The following CEP128 variants were observed in gnomAD, a reference collection of about 807,000 sequenced individuals.
CEP128 encodes centrosomal protein 128kDa.
CEP128 carries 132 observed loss-of-function variants against 156.7 expected under a neutral mutation model. The ratio of observed to expected loss-of-function variants is 0.84; its 90% confidence interval spans 0.73 to 0.97. The LOEUF is 0.97. Among genes scored for constraint, CEP128 ranks in the 50% least tolerant of loss-of-function variants. CEP128 has a pLI of 0.00. For synonymous variants in CEP128, 469 were observed against 448.9 expected (o/e 1.04, Z -0.57); for missense variants, 1,252 against 1,281.9 (o/e 0.98, Z 0.36).
At chr14:80,740,496 AGATAGAT>A (rs1410403784) in intron 19 of CEP128, among the ~76,000 whole-genome samples, 1 of 45,328 alleles carries the variant, frequency 2.2e-5, no homozygotes, top group Non-Finnish European at 4.9e-5. Flanking sequence ...ATTTATATCT[AGATAGAT>A]AGATAGATAG....
intron 14 of CEP128, among the ~76,000 whole-genome samples, chr14:80,485,066 A>G (rs1887132660): frequency 6.6e-6 from 1 of 152,154 alleles, no homozygotes; most frequent in East Asian, 1.9e-4. Context: ...GCTGTCTCTC[A>G]GTGGCTCCAG....
chr14:80,785,090 T>C lies in CEP128; in HGVS notation c.2016A>G (p.Ala672=). The C allele has an allele frequency of 6.2e-7, 1 of 1,614,214 alleles. No individual in the cohort carries two copies. Among genetic ancestry groups the C allele is most frequent in the Non-Finnish European group, 8.5e-7 (1 of 1,179,994 alleles). ...TAGCTGTTTCTTCATCCCTGGATTT[T>C]GCCTGTGCAGTGAGGTCAGAAAGGT... ...LKDLSDLTAQ[A]KSRDEETATI... The change falls in exon 15 of 25, where the codon GCA becomes GCG. Residue 672 remains alanine (A), a synonymous_variant. Transcript: ENST00000555265.
At chr14:80,566,700 A>T (rs1890923580) in intron 20 of CEP128, among the ~76,000 whole-genome samples, 1 of 152,208 alleles carries the variant, frequency 6.6e-6, no homozygotes, top group South Asian at 2.1e-4. Context: ...GTGGCATTGG[A>T]GCAGCTTGCA....
intron 19 of CEP128, among the ~76,000 whole-genome samples, chr14:80,668,774 A>G (rs928788701): frequency 5.3e-5 from 8 of 152,202 alleles, no homozygotes; most frequent in Non-Finnish European, 1.2e-4. Flanking sequence ...TTTAGCTCCC[A>G]TAATTCCCAC....
rs766330354 is a variant in CEP128 at position 80,831,071 on chromosome 14, A to T, written c.1209+72T>A. ...TCATAAAATAACACATCTTTATATT[A>T]AAATTTCATTAAGCAATTCCATGAG... On this transcript the variant is annotated intron_variant, in intron 13 of 24. Coordinates refer to ENST00000555265, the MANE Select transcript of CEP128 (RefSeq NM_152446.5). 25 of 1,342,298 alleles carry T rather than the reference A, an allele frequency of 1.9e-5. No individual in the cohort carries two copies. The East Asian group carries it at 5.5e-4, about 30-fold the overall frequency. The allele number at this position is 1,342,298 out of a possible 1,614,324, so 83.1% of individuals were successfully genotyped here. A position where few individuals can be genotyped will look rare whatever the true frequency, so the allele number is the denominator to read the frequency against.
chr14:80,848,367 A>T (rs1886712891), intron 9 of CEP128, among the ~76,000 whole-genome samples: 1 of 152,190 alleles, frequency 6.6e-6, no homozygotes, highest in Non-Finnish European at 1.5e-5. Flanking sequence ...GAACAACAAT[A>T]GAAAATTAGG....
chr14:80,512,900 G>A (rs1410188186), intron 23 of CEP128, among the ~76,000 whole-genome samples: 1 of 151,832 alleles, frequency 6.6e-6, no homozygotes, highest in African/African-American at 2.4e-5. Flanking sequence ...AATTTTTGTT[G>A]TCTCTATTTT....
At chr14:80,949,812 G>T (rs1318905323) in intron 2 of CEP128, among the ~76,000 whole-genome samples, 1 of 151,906 alleles carries the variant, frequency 6.6e-6, no homozygotes, top group Non-Finnish European at 1.5e-5. Context: ...AAAATTATCA[G>T]GCATACAAAG....
At chr14:80,624,844 A>G (rs1893640484) in intron 19 of CEP128, among the ~76,000 whole-genome samples, 2 of 152,104 alleles carry the variant, frequency 1.3e-5, no homozygotes, top group Non-Finnish European at 2.9e-5. Context: ...TGGTTTGCAA[A>G]TATTTTCTGC....
intron 19 of CEP128, among the ~76,000 whole-genome samples, chr14:80,717,257 C>A (rs1001346163): frequency 3.3e-5 from 5 of 152,074 alleles, no homozygotes; most frequent in Non-Finnish European, 7.4e-5. Context: ...CGGCACCTAG[C>A]AGAATTGAAA....
chr14:80,623,288 A>G, intron 19 of CEP128, among the ~76,000 whole-genome samples: 2 of 144,884 alleles, frequency 1.4e-5, no homozygotes, highest in African/African-American at 2.6e-5. Flanking sequence ...GAAGGGGAAC[A>G]TCACACTCTG....
At chr14:80,700,616 C>T (rs1238050761) in intron 19 of CEP128, among the ~76,000 whole-genome samples, 1 of 151,990 alleles carries the variant, frequency 6.6e-6, no homozygotes, top group Non-Finnish European at 1.5e-5. Context: ...TCTGAGTAAA[C>T]GGGCTTAGTC....
chr14:80,556,012 T>C (rs1201342086), intron 21 of CEP128, among the ~76,000 whole-genome samples: 1 of 152,192 alleles, frequency 6.6e-6, no homozygotes, highest in Non-Finnish European at 1.5e-5. Flanking sequence ...TCCTTTTTTC[T>C]TCCTTGGTGT....
intron 22 of CEP128, chr14:80,527,326 A>G: frequency 2.7e-6 from 1 of 376,644 alleles, no homozygotes; most frequent in Non-Finnish European, 5.4e-6. Context: ...GCTACTCAGG[A>G]GGCTGAGGTG....
intron 19 of CEP128, among the ~76,000 whole-genome samples, chr14:80,663,661 C>T: frequency 6.6e-6 from 1 of 152,204 alleles, no homozygotes; most frequent in East Asian, 1.9e-4. Flanking sequence ...AGATGTTATA[C>T]ATAGACTATT....
chr14:80,937,290 C>T (rs1322963285), intron 2 of CEP128, among the ~76,000 whole-genome samples: 2 of 152,238 alleles, frequency 1.3e-5, no homozygotes, highest in Admixed American at 1.3e-4. Flanking sequence ...CACTGCACTT[C>T]AGCCTGGGTG....
At chr14:80,712,016 A>C (rs1897431142) in intron 19 of CEP128, among the ~76,000 whole-genome samples, 1 of 152,174 alleles carries the variant, frequency 6.6e-6, no homozygotes, top group African/African-American at 2.4e-5. Flanking sequence ...TCTAATTTCA[A>C]TGACTACATG....
chr14:80,706,631 T>G (rs1897248328), intron 19 of CEP128, among the ~76,000 whole-genome samples: 1 of 152,132 alleles, frequency 6.6e-6, no homozygotes, highest in Non-Finnish European at 1.5e-5. Context: ...TCTTTTAGGG[T>G]TCATTCAGCT....
chr14:80,758,641 G>A (rs1595357594), intron 17 of CEP128, among the ~76,000 whole-genome samples: 1 of 151,914 alleles, frequency 6.6e-6, no homozygotes, highest in African/African-American at 2.4e-5. Flanking sequence ...AGGCTTCAAG[G>A]CCTATTATGA....
Sources: gnomAD v4.1 joint callset for allele counts (sites outside exome capture counted in the v4.1 genomes callset) on GRCh38, gnomAD v4.1.1 for gene constraint, MANE v1.5 for transcripts, NCBI Gene and HGNC (gene_info 2026-07-23, HGNC 2026-07-21) for gene names.